The following MSI2 variants were observed in gnomAD, a reference collection of about 807,000 sequenced individuals.
The protein encoded by MSI2 is RNA-binding protein Musashi homolog 2.
Under a neutral mutation model 45.6 loss-of-function variants are expected in MSI2, and 17 were observed. The ratio of observed to expected loss-of-function variants is 0.37; its 90% CI spans 0.26 to 0.56. The LOEUF is 0.56. Ranked by LOEUF, MSI2 falls within the 20% of genes least tolerant of loss-of-function variation. MSI2 has a pLI of 0.77. For synonymous variants in MSI2, 156 were observed against 158.2 expected (o/e 0.99, Z 0.11); for missense variants, 293 against 444.2 (o/e 0.66, Z 3.06).
chr17:57,305,264 C>T (rs901811281), intron 5 of MSI2, among the ~76,000 whole-genome samples: 4 of 152,050 alleles, frequency 2.6e-5, no homozygotes, highest in South Asian at 4.1e-4. Context: ...CCTCACTGAC[C>T]GGCATGGGTG....
chr17:57,650,457 C>T (rs2144681201), intron 10 of MSI2, among the ~76,000 whole-genome samples: 1 of 152,298 alleles, frequency 6.6e-6, no homozygotes, highest in South Asian at 2.1e-4. Context: ...AATCTAGATG[C>T]TGCCTGGAAG....
intron 6 of MSI2, among the ~76,000 whole-genome samples, chr17:57,431,136 G>A (rs767562711): frequency 2.6e-5 from 4 of 152,102 alleles, no homozygotes; most frequent in Non-Finnish European, 4.4e-5. Context: ...TGACCCTCCC[G>A]TTTTGAAGAA....
the MSI2 span, among the ~76,000 whole-genome samples, chr17:57,696,087 T>C: frequency 6.6e-6 from 1 of 152,110 alleles, no homozygotes; most frequent in Non-Finnish European, 1.5e-5. Flanking sequence ...TGGGGAGACA[T>C]GAATATTCGG....
intron 5 of MSI2, among the ~76,000 whole-genome samples, chr17:57,350,529 G>A (rs764844235): frequency 6.6e-6 from 1 of 152,080 alleles, no homozygotes; most frequent in African/African-American, 2.4e-5. Flanking sequence ...GGTGGCCGTG[G>A]TGTGTTCCTC....
intron 5 of MSI2, among the ~76,000 whole-genome samples, chr17:57,385,824 A>G (rs1286559911): frequency 6.6e-6 from 1 of 152,146 alleles, no homozygotes; most frequent in Non-Finnish European, 1.5e-5. Flanking sequence ...TTACCCTCAA[A>G]TTTAGCAGCT....
chr17:57,619,707 G>A (rs1364798507), intron 9 of MSI2, among the ~76,000 whole-genome samples: 1 of 152,114 alleles, frequency 6.6e-6, no homozygotes, highest in Non-Finnish European at 1.5e-5. Flanking sequence ...TACTGAGGTG[G>A]TAGGAGACAG....
rs572391851 is a variant in MSI2 at position 57,381,458 on chromosome 17, C to T, written c.313-19921C>T. On this transcript the variant is annotated intron_variant, in intron 5 of 13. Coordinates refer to ENST00000284073, the MANE Select transcript of MSI2 (RefSeq NM_138962.4). ...TCCCTCCCCAAGGCAGTGACCCTCC[C>T]TCCTCCTAGCCCTATGGCCTCTGCT... is the stretch of plus-strand genomic sequence containing the variant. 5.9e-5 allele frequency among the ~76,000 whole-genome samples: 9 copies of T among 152,296 alleles called. No homozygotes were observed. The South Asian group carries it at 1.5e-3, about 25-fold the overall frequency.
intron 7 of MSI2, among the ~76,000 whole-genome samples, chr17:57,538,367 C>T (rs2086967859): frequency 6.6e-6 from 1 of 152,104 alleles, no homozygotes; most frequent in South Asian, 2.1e-4. Context: ...AGAGGGTGTA[C>T]GCTATCCCAT....
At chr17:57,624,749 C>T (rs1241043631) in intron 9 of MSI2, among the ~76,000 whole-genome samples, 1 of 152,110 alleles carries the variant, frequency 6.6e-6, no homozygotes, top group Non-Finnish European at 1.5e-5. Context: ...CTGGGGGAAG[C>T]AAGGGAAAGG....
chr17:57,288,866 A>G (rs1254925658), intron 5 of MSI2, among the ~76,000 whole-genome samples: 2 of 151,942 alleles, frequency 1.3e-5, no homozygotes, highest in Non-Finnish European at 2.9e-5. Flanking sequence ...AGTGCATTGT[A>G]TCTGTAGTAG....
At chr17:57,449,813 G>A (rs1033725060) in intron 6 of MSI2, 2 of 152,116 alleles carry the variant, frequency 1.3e-5, no homozygotes, top group African/African-American at 4.8e-5. Context: ...AGATCATGAG[G>A]TCAGGAGATC....
At position 57,257,532 on chromosome 17, in the gene MSI2, C is replaced by T; in HGVS notation, c.170C>T (p.Thr57Ile). 6.3e-7 allele frequency: 1 copy of T among 1,598,622 alleles called. No homozygotes were observed. Among genetic ancestry groups the T allele is most frequent in the Non-Finnish European group, 8.6e-7 (1 of 1,167,374 alleles). ...GAATGTATGGTCATGAGAGATCCCA[C>T]TACGAAACGCTCCAGGTAAACCATT... ...IRECMVMRDP[T>I]TKRSRGFGFV... The change falls in exon 3 of 14, where the codon ACT (threonine) becomes ATT (isoleucine). Residue 57 changes from threonine to isoleucine, a missense_variant. Coordinates refer to ENST00000284073, the MANE Select transcript of MSI2 (RefSeq NM_138962.4).
chr17:57,352,421 G>A (rs1012517592), intron 5 of MSI2, among the ~76,000 whole-genome samples: 34 of 152,230 alleles, frequency 2.2e-4, no homozygotes, highest in African/African-American at 8.0e-4. Context: ...AGGAAGTAGG[G>A]GAGGAAATAG....
chr17:57,479,833 G>A (rs2085613294), intron 6 of MSI2, among the ~76,000 whole-genome samples: 1 of 152,202 alleles, frequency 6.6e-6, no homozygotes, highest in Non-Finnish European at 1.5e-5. Flanking sequence ...TGATAGGTAT[G>A]AGAAGTGGGA....
At position 57,401,422 on chromosome 17, in the gene MSI2, C is replaced by T. The variant is rs1351704740; in HGVS notation, c.356C>T (p.Ala119Val). The change falls in exon 6 of 14, where the codon GCG becomes GTG. Residue 119 changes from alanine (A) to valine (V), a missense_variant. Ala to Val is a moderately conservative substitution (Grantham distance 64). Coordinates refer to ENST00000284073, the MANE Select transcript of MSI2 (RefSeq NM_138962.4). ...TKKIFVGGLSANTVVEDVKQY... is the reference protein window; with the variant it reads ...TKKIFVGGLSVNTVVEDVKQY... ...AAAATATTTGTAGGCGGGTTATCTG[C>T]GAACACAGTAGTGGAAGATGTAAAG... The T allele has an allele frequency of 2.5e-6, 4 of 1,613,982 alleles. No homozygotes were observed. Among genetic ancestry groups the T allele is most frequent in the Middle Eastern group, 1.6e-4 (1 of 6,084 alleles).
rs1913445664 is a variant in MSI2 at position 57,322,673 on chromosome 17, C to T, written c.312+60481C>T. On this transcript the variant is annotated intron_variant, in intron 5 of 13. Coordinates refer to ENST00000284073, the MANE Select transcript of MSI2 (RefSeq NM_138962.4). ...GATTTGTGCTTGGCTGTTGGAGTGACGTGCCGCCCACAAGGTCTTGGCTAC... is the reference window on the plus strand; with the variant it reads ...GATTTGTGCTTGGCTGTTGGAGTGATGTGCCGCCCACAAGGTCTTGGCTAC... Among the ~76,000 whole-genome samples, 3 of 152,302 alleles carry T rather than the reference C, an allele frequency of 2.0e-5. No individual in the cohort carries two copies. The South Asian group carries it at 6.2e-4, about 32-fold the overall frequency.
At chr17:57,325,611 G>A (rs1376507900) in intron 5 of MSI2, among the ~76,000 whole-genome samples, 3 of 152,134 alleles carry the variant, frequency 2.0e-5, no homozygotes, top group African/African-American at 7.2e-5. Flanking sequence ...GGTGTGCAGC[G>A]GCTATTCCTC....
At chr17:57,360,319 A>T (rs1446188995) in intron 5 of MSI2, among the ~76,000 whole-genome samples, 1 of 152,266 alleles carries the variant, frequency 6.6e-6, no homozygotes, top group Non-Finnish European at 1.5e-5. Flanking sequence ...CAGGGGTATA[A>T]TAGGTGAAAC....
rs1598063637 is a variant in MSI2 at position 57,280,018 on chromosome 17, A to AAC, written c.312+17827_312+17828insCA. On this transcript the variant is annotated intron_variant, in intron 5 of 13. Transcript: ENST00000284073. The surrounding 1 kb of genome is among the most constrained non-coding windows in gnomAD (Gnocchi z 4.2). ...CATTGGATGTTAAAGGGATCATAAC[A>AAC]AAAAAAAAAAAACAGTGTCCTTTGG... The AAC allele has an allele frequency of 3.0e-5, 3 of 101,468 alleles. No individual in the cohort carries two copies. Among genetic ancestry groups the AAC allele is most frequent in the African/African-American group, 5.9e-5 (1 of 16,908 alleles). The allele number at this position is 101,468 out of a possible 1,614,324, so 6.3% of individuals were successfully genotyped here.
Sources: allele counts gnomAD v4.1 joint callset (sites outside exome capture counted in the v4.1 genomes callset), GRCh38; gene constraint gnomAD v4.1.1; non-coding constraint Gnocchi (gnomAD v3.1); transcripts MANE v1.5; gene names NCBI Gene and HGNC (gene_info 2026-07-23, HGNC 2026-07-21).